The following KCNU1 variants were observed in gnomAD, a reference collection of about 807,000 sequenced individuals.
KCNU1 encodes the protein potassium channel subfamily U member 1.
Under a neutral mutation model 126.8 loss-of-function variants are expected in KCNU1, and 93 were observed. That is an observed-to-expected ratio of 0.73 (90% CI 0.62 to 0.87). KCNU1 has a LOEUF of 0.87. Ranked by LOEUF, KCNU1 falls within the 40% of genes least tolerant of loss-of-function variation. The pLI is 0.00. For synonymous variants in KCNU1, 523 were observed against 494.2 expected, an observed-to-expected ratio of 1.06 and a Z score of -0.77; for missense variants, 1,330 against 1,367.1, an observed-to-expected ratio of 0.97 and a Z score of 0.43.
rs1808836998 is a variant in KCNU1 at position 36,935,784 on chromosome 8, T to C, written c.3314T>C (p.Ile1105Thr). The change falls in exon 27 of 27, where the codon ATA becomes ACA. Residue 1105 changes from isoleucine to threonine, a missense_variant. Around this residue, in one of 3 missense-constraint regions of KCNU1, gnomAD observed 1,054 missense variants for 1,053.9 expected, o/e 1.00. Transcript: ENST00000399881. ...RTNSLSFPKQ[I>T]AWNQSRTNSI... ...AACTCCCTCTCTTTTCCTAAGCAAA[T>C]AGCATGGAATCAGAGTAGAACAAAC... is the stretch of plus-strand genomic sequence containing the variant. 6 of 1,613,330 alleles carry C rather than the reference T, an allele frequency of 3.7e-6. No individual in the cohort carries two copies. The highest frequency in any genetic ancestry group is 5.1e-6 in the Non-Finnish European group (6 of 1,179,512).
intron 12 of KCNU1, 67 bp from the exon 13 acceptor site, chr8:36,836,229 T>C (rs1027377291): frequency 4.0e-6 from 4 of 996,908 alleles, no homozygotes; most frequent in Non-Finnish European, 6.3e-6. Context: ...TAACTCTGAA[T>C]TAAATTATAT....
intron 19 of KCNU1, among the ~76,000 whole-genome samples, chr8:36,872,229 A>T (rs551413368): frequency 3.3e-4 from 50 of 152,292 alleles, no homozygotes; most frequent in African/African-American, 1.1e-3. Flanking sequence ...CTTCCCTTTC[A>T]TCATGGATCA....
intron 19 of KCNU1, among the ~76,000 whole-genome samples, chr8:36,875,079 G>GT (rs1806232272): frequency 6.6e-6 from 1 of 151,874 alleles, no homozygotes; most frequent in Non-Finnish European, 1.5e-5. Context: ...GAAAAAGCTA[G>GT]TTAAAAAAAA....
chr8:36,794,934 C>A (rs1563259065), intron 2 of KCNU1, among the ~76,000 whole-genome samples: 1 of 151,696 alleles, frequency 6.6e-6, no homozygotes, highest in East Asian at 1.9e-4. Context: ...TCAACAAAAA[C>A]AAAAACAAAA....
At position 36,931,133 on chromosome 8, in the gene KCNU1, A is replaced by G. The variant is rs571446352; in HGVS notation, c.2919A>G (p.Leu973=). ...TTCTGTCCTTACACGAAACCATTTT[A>G]TCAGACGTTAATGTGAGTCTACTCT... ...LGLLSLHETI[L]SDVNPRNTFG... Residue 973 remains leucine, a synonymous_variant, in exon 25 of 27, where the codon TTA becomes TTG. Coordinates refer to ENST00000399881, the MANE Select transcript of KCNU1 (RefSeq NM_001031836.3). The G allele has an allele frequency of 1.2e-6, 2 of 1,606,264 alleles. No homozygotes were observed. Among genetic ancestry groups the G allele is most frequent in the South Asian group, 2.2e-5 (2 of 89,424 alleles).
chr8:36,855,868 G>A (rs966983866), intron 18 of KCNU1, among the ~76,000 whole-genome samples: 3 of 151,746 alleles, frequency 2.0e-5, no homozygotes, highest in Non-Finnish European at 4.4e-5. Context: ...ACATCTTATT[G>A]CCTTCTAACC....
At chr8:36,793,379 T>C (rs1035634392) in intron 2 of KCNU1, among the ~76,000 whole-genome samples, 4 of 151,562 alleles carry the variant, frequency 2.6e-5, no homozygotes, top group African/African-American at 9.7e-5. Flanking sequence ...AAAATAAAAA[T>C]AAATAAATAA....
chr8:36,853,966 T>C (rs181747569), intron 18 of KCNU1, among the ~76,000 whole-genome samples: 44 of 152,298 alleles, frequency 2.9e-4, no homozygotes, highest in African/African-American at 9.9e-4. Flanking sequence ...TATCATTTAT[T>C]TTTGGAGGAT....
In KCNU1 at chr8:36,930,997, CAGG is replaced by C. The variant is rs1289221489; in HGVS notation, c.2789_2791del (p.Gly930del). On this transcript the variant is annotated inframe_deletion, in exon 25 of 27. Coordinates refer to ENST00000399881, the MANE Select transcript of KCNU1 (RefSeq NM_001031836.3). ...CTGGAATTGCTTCAGATGCTGGTGACAGGAGGAGTAAGTTCTCAGCTGGAACAA... is the reference window on the plus strand; with the variant it reads ...CTGGAATTGCTTCAGATGCTGGTGACAGGAGTAAGTTCTCAGCTGGAACAA... The C allele has an allele frequency of 6.2e-7, 1 of 1,609,008 alleles. No homozygotes were observed. The highest frequency in any genetic ancestry group is 8.5e-7 in the Non-Finnish European group (1 of 1,177,676).
intron 19 of KCNU1, among the ~76,000 whole-genome samples, chr8:36,867,138 A>C (rs565734943): frequency 6.6e-6 from 1 of 152,160 alleles, no homozygotes; most frequent in African/African-American, 2.4e-5. Context: ...CCAATCAGTT[A>C]ATCAATCAGA....
intron 19 of KCNU1, among the ~76,000 whole-genome samples, chr8:36,883,265 AAAG>A (rs1563313671): frequency 6.6e-6 from 1 of 152,218 alleles, no homozygotes; most frequent in African/African-American, 2.4e-5. Flanking sequence ...ATCATGCTTT[AAAG>A]AAGAGACACG....
chr8:36,923,272 G>T (rs1338684577), intron 24 of KCNU1, among the ~76,000 whole-genome samples: 3 of 152,176 alleles, frequency 2.0e-5, no homozygotes, highest in Admixed American at 1.3e-4. Context: ...TCTGCAGTGT[G>T]AGAATGACAA....
rs1388845216 is a variant in KCNU1 at position 36,836,881 on chromosome 8, A to G, written c.1454A>G (p.Gln485Arg). 1 of 1,613,860 alleles carries G rather than the reference A, an allele frequency of 6.2e-7. No individual in the cohort carries two copies. The highest frequency in any genetic ancestry group is 1.1e-5 in the South Asian group (1 of 91,084). Reference sequence around the variant, plus strand: ...GAATTAAAACTTGGATTTATCGCCCAAGGCTGTTTGGTGCCAGGCTTGTGT... The same window carrying G: ...GAATTAAAACTTGGATTTATCGCCCGAGGCTGTTTGGTGCCAGGCTTGTGT... The part of the protein sequence containing the change: ...FAELKLGFIA[Q>R]GCLVPGLCTF... The change falls in exon 14 of 27, where the codon CAA (glutamine) becomes CGA (arginine). Residue 485 changes from glutamine (Q) to arginine (R), a missense_variant. By Grantham distance (43) the Gln-to-Arg change is conservative (BLOSUM62 1). This residue lies in a region of KCNU1 where 1,054 missense variants were observed against 1,053.9 expected (regional missense o/e 1.00). Transcript: ENST00000399881.
chr8:36,921,677 AAAAG>A (rs1808354121), intron 23 of KCNU1, among the ~76,000 whole-genome samples: 1 of 151,616 alleles, frequency 6.6e-6, no homozygotes, highest in African/African-American at 2.4e-5. Context: ...AAAAAAAAAA[AAAAG>A]AAGAGTCTAG....
chr8:36,862,194 T>C (rs1031382182), intron 18 of KCNU1, among the ~76,000 whole-genome samples: 1 of 152,074 alleles, frequency 6.6e-6, no homozygotes, highest in Non-Finnish European at 1.5e-5. Flanking sequence ...GGTAGATAGA[T>C]AGATAGATAA....
chr8:36,857,680 C>G (rs1182682058), intron 18 of KCNU1, among the ~76,000 whole-genome samples: 1 of 151,994 alleles, frequency 6.6e-6, no homozygotes, highest in African/African-American at 2.4e-5. Context: ...GAGTCTTGCT[C>G]TGTTCCACAG....
chr8:36,931,170 A>G (rs1392682151), intron 25 of KCNU1, 25 bp downstream of exon 25: 2 of 1,557,916 alleles, frequency 1.3e-6, no homozygotes, highest in Middle Eastern at 1.7e-4. Context: ...CTCAGAATTC[A>G]GTTTTTCACT....
intron 16 of KCNU1, among the ~76,000 whole-genome samples, chr8:36,843,004 T>A (rs1324230644): frequency 6.6e-6 from 1 of 152,190 alleles, no homozygotes; most frequent in Non-Finnish European, 1.5e-5. Flanking sequence ...TCCAAAACCC[T>A]ACTTTTGACT....
chr8:36,811,202 AT>A (rs1219003111), intron 7 of KCNU1, among the ~76,000 whole-genome samples: 1 of 152,210 alleles, frequency 6.6e-6, no homozygotes, highest in African/African-American at 2.4e-5. Flanking sequence ...TCATTAGGGT[AT>A]TACAGAAAAT....
Sources: allele counts gnomAD v4.1 joint callset (sites outside exome capture counted in the v4.1 genomes callset), GRCh38; gene constraint gnomAD v4.1.1; regional missense constraint gnomAD v4.1.1; transcripts MANE v1.5; gene names NCBI Gene and HGNC (gene_info 2026-07-23, HGNC 2026-07-21).